Variants in TGFBR3 observed in about 807,000 individuals in gnomAD.
The protein encoded by TGFBR3 is transforming growth factor beta receptor 3.
In TGFBR3, 46 loss-of-function variants were observed where a neutral mutation model predicts 87.9. The observed-to-expected ratio is 0.52, with a 90% CI of 0.41 to 0.67. The LOEUF (loss-of-function observed/expected upper bound fraction) is 0.67, where lower values mean the gene tolerates loss of function less well. Ranked by LOEUF, TGFBR3 falls within the 30% of genes least tolerant of loss-of-function variation. TGFBR3 has a pLI of 0.00. For synonymous variants in TGFBR3, 381 were observed against 391.6 expected, an observed-to-expected ratio of 0.97 and a Z score of 0.32; for missense variants, 866 against 1,041.9, an observed-to-expected ratio of 0.83 and a Z score of 2.32.
intron 2 of TGFBR3, among the ~76,000 whole-genome samples, chr1:91,823,057 T>G (rs1676508719): frequency 6.6e-6 from 1 of 152,224 alleles, no homozygotes; most frequent in Non-Finnish European, 1.5e-5. Context: ...TAACGCATTT[T>G]CCTTCTTCAA....
chr1:91,887,262 T>TTTTTTTTTTG (rs1165045165), upstream of TGFBR3, among the ~76,000 whole-genome samples: 1,096 of 125,134 alleles, frequency 8.8e-3, 99 homozygotes, highest in African/African-American at 0.016. Flanking sequence ...TTTTTTTTTT[T>TTTTTTTTTTG]TGAGATGGAG....
intron 3 of TGFBR3, among the ~76,000 whole-genome samples, chr1:91,783,472 G>A (rs911168297): frequency 3.3e-5 from 5 of 152,214 alleles, no homozygotes; most frequent in African/African-American, 9.6e-5. Context: ...GAACATGGCT[G>A]CAATGGAAGC....
chr1:91,712,674 C>T (rs1256515832), intron 12 of TGFBR3, 132 bp from the exon 13 acceptor site: 1 of 779,580 alleles, frequency 1.3e-6, no homozygotes, highest in Non-Finnish European at 2.1e-6. Flanking sequence ...TTATAGCCTT[C>T]TTTCTAATTA....
chr1:91,814,212 T>C lies in TGFBR3; in HGVS notation c.62-16741A>G, dbSNP rs183955708. Among the ~76,000 whole-genome samples, 46 of 151,940 alleles carry C rather than the reference T, an allele frequency of 3.0e-4. 1 individual carries two copies. Among genetic ancestry groups the C allele is most frequent in the African/African-American group, 1.1e-3 (45 of 41,296 alleles). On this transcript the variant is annotated intron_variant, in intron 2 of 16. Coordinates refer to ENST00000212355, the MANE Select transcript of TGFBR3 (RefSeq NM_003243.5). ...AATCATTATTATGTAAGGAAAGGCA[T>C]ATGTATATGTATATGTATGTATATA...
intron 4 of TGFBR3, among the ~76,000 whole-genome samples, chr1:91,742,769 G>A (rs11801868): frequency 0.38 from 57,590 of 151,908 alleles, 11,123 homozygotes; most frequent in Middle Eastern, 0.44. Context: ...GGATGCTGAG[G>A]TGCACCCTGG....
chr1:91,820,466 G>A (rs1676403183), intron 2 of TGFBR3, among the ~76,000 whole-genome samples: 1 of 152,026 alleles, frequency 6.6e-6, no homozygotes. Flanking sequence ...GGCGGATCAT[G>A]AGGTCAGGAG....
chr1:91,866,053 T>C (rs540491738), intron 1 of TGFBR3, among the ~76,000 whole-genome samples: 6 of 152,206 alleles, frequency 3.9e-5, no homozygotes, highest in Non-Finnish European at 7.4e-5. Flanking sequence ...CTGCCCCACA[T>C]GCCCTCATGA....
intron 3 of TGFBR3, among the ~76,000 whole-genome samples, chr1:91,792,308 T>C (rs1310015523): frequency 6.6e-6 from 1 of 152,198 alleles, no homozygotes; most frequent in Non-Finnish European, 1.5e-5. Context: ...GAGAAGCTCA[T>C]AGGGTTATGA....
chr1:91,715,693 C>T (rs17882008), intron 12 of TGFBR3, among the ~76,000 whole-genome samples: 1,827 of 152,060 alleles, frequency 0.012, 35 homozygotes, highest in African/African-American at 0.041. Flanking sequence ...TATACAGATA[C>T]TCAGATCATG....
At position 91,738,639 on chromosome 1, in the gene TGFBR3, A is replaced by G. The variant is rs573285841; in HGVS notation, c.385-3680T>C. On this transcript the variant is annotated intron_variant, in intron 4 of 16. Transcript: ENST00000212355. The stretch of plus-strand genomic sequence containing the variant: ...CAGATGTTGGTGCTATGCTTCCTGT[A>G]CAGCTTGCAGAACCATGAGCCAATT... Among the ~76,000 whole-genome samples the G allele has an allele frequency of 5.3e-5, 8 of 152,356 alleles. No individual in the cohort carries two copies. The South Asian group carries it at 1.7e-3, about 32-fold the overall frequency.
At position 91,767,190 on chromosome 1, in the gene TGFBR3, A is replaced by C. The variant is rs1232274263; in HGVS notation, c.247-8440T>G. On this transcript the variant is annotated intron_variant, in intron 3 of 16. Coordinates refer to ENST00000212355, the MANE Select transcript of TGFBR3 (RefSeq NM_003243.5). ...AAGTTAGTTAATTTGTAATAGCAAAAACAAACAAACAAAACCCCACAAAAT... is the reference window on the plus strand; with the variant it reads ...AAGTTAGTTAATTTGTAATAGCAAACACAAACAAACAAAACCCCACAAAAT... Among the ~76,000 whole-genome samples the C allele has an allele frequency of 1.5e-5, 2 of 134,128 alleles. 1 individual carries two copies. Among genetic ancestry groups the C allele is most frequent in the Non-Finnish European group, 3.3e-5 (2 of 61,136 alleles). The allele number at this position is 134,128 out of a possible 152,430, so 88.0% of individuals were successfully genotyped here. A position where few individuals can be genotyped will look rare whatever the true frequency, so the allele number is the denominator to read the frequency against.
chr1:91,827,392 T>A (rs1676685312), intron 2 of TGFBR3, among the ~76,000 whole-genome samples: 1 of 152,208 alleles, frequency 6.6e-6, no homozygotes, highest in African/African-American at 2.4e-5. Context: ...GTCCTTGGGA[T>A]AGCAGGAATA....
chr1:91,848,052 C>T (rs1350704866), intron 2 of TGFBR3, among the ~76,000 whole-genome samples: 1 of 152,166 alleles, frequency 6.6e-6, no homozygotes, highest in Admixed American at 6.5e-5. Flanking sequence ...GAGCTAAAGG[C>T]ATCTGTGGAA....
intron 2 of TGFBR3, among the ~76,000 whole-genome samples, chr1:91,817,895 A>G (rs968098141): frequency 1.3e-5 from 2 of 150,140 alleles, no homozygotes; most frequent in Admixed American, 1.3e-4. Context: ...AAAAAAAAAA[A>G]GTCAATATAC....
chr1:91,818,277 CCTTTTTTTTTTTTTTTTTTTTT>C (rs1264817876), intron 2 of TGFBR3, among the ~76,000 whole-genome samples: 2,431 of 123,124 alleles, frequency 0.02, 159 homozygotes, highest in African/African-American at 0.041. Context: ...TTAGCCCCAG[CCTTTTTTTTTTTTTTTTTTTTT>C]TTTTTTTTTT....
intron 4 of TGFBR3, among the ~76,000 whole-genome samples, chr1:91,747,318 A>G (rs1458624816): frequency 6.6e-6 from 1 of 152,202 alleles, no homozygotes; most frequent in Admixed American, 6.5e-5. Flanking sequence ...ACAGAGGAAC[A>G]TTCTCCAGGC....
intron 11 of TGFBR3, 65 bp downstream of exon 11, chr1:91,716,503 C>T (rs1672177250): frequency 1.2e-6 from 2 of 1,613,694 alleles, no homozygotes; most frequent in Non-Finnish European, 1.7e-6. Context: ...TCAGATAGTC[C>T]CTAACTAAAG....
intron 5 of TGFBR3, among the ~76,000 whole-genome samples, chr1:91,734,172 T>C (rs1257637612): frequency 6.6e-6 from 1 of 152,236 alleles, no homozygotes; most frequent in African/African-American, 2.4e-5. Context: ...GGTTTCTGGA[T>C]ATTTCTATCC....
intron 2 of TGFBR3, among the ~76,000 whole-genome samples, chr1:91,851,207 AC>A (rs1444396425): frequency 1.3e-5 from 2 of 152,150 alleles, no homozygotes; most frequent in Non-Finnish European, 2.9e-5. Context: ...TCCCCAGAGC[AC>A]CTGCTGCCTA....
Sources: gnomAD v4.1 joint callset for allele counts (sites outside exome capture counted in the v4.1 genomes callset) on GRCh38, gnomAD v4.1.1 for gene constraint, MANE v1.5 for transcripts, NCBI Gene and HGNC (gene_info 2026-07-23, HGNC 2026-07-21) for gene names.